Variants in NRXN3 observed in about 807,000 individuals in gnomAD.
NRXN3 encodes the protein neurexin 3.
NRXN3 carries 32 observed loss-of-function variants against 137.6 expected under a neutral mutation model. That is an observed-to-expected ratio of 0.23 (90% CI 0.18 to 0.31). The LOEUF (loss-of-function observed/expected upper bound fraction) is 0.31. Among genes scored for constraint, NRXN3 ranks in the 10% least tolerant of loss-of-function variants. The pLI, the probability that NRXN3 is intolerant of heterozygous loss-of-function variation, is 1.00. For missense variants in NRXN3, 1,574 were observed against 2,062.5 expected, an observed-to-expected ratio of 0.76 and a Z score of 4.59; for synonymous variants, 798 against 784.5, an observed-to-expected ratio of 1.02 and a Z score of -0.29.
intron 15 of NRXN3, among the ~76,000 whole-genome samples, chr14:79,349,885 C>T (rs1397380567): frequency 6.6e-6 from 1 of 152,100 alleles, no homozygotes; most frequent in Non-Finnish European, 1.5e-5. Context: ...AGGCCTAGAG[C>T]AGCTCTTAGA....
chr14:78,750,156 CCAGCCTCA>C (rs1440099351), intron 8 of NRXN3, among the ~76,000 whole-genome samples: 2 of 152,200 alleles, frequency 1.3e-5, no homozygotes, highest in African/African-American at 2.4e-5. Context: ...AAAGTGTGAT[CCAGCCTCA>C]CACACTGCCT....
chr14:79,754,008 A>G (rs1237471138), intron 19 of NRXN3, among the ~76,000 whole-genome samples: 1 of 151,982 alleles, frequency 6.6e-6, no homozygotes, highest in Non-Finnish European at 1.5e-5. Flanking sequence ...TTTAAAGTAC[A>G]TGGGAGAGTA....
intron 4 of NRXN3, among the ~76,000 whole-genome samples, chr14:78,554,731 A>C (rs1297341156): frequency 6.6e-6 from 1 of 152,210 alleles, no homozygotes; most frequent in African/African-American, 2.4e-5. Flanking sequence ...GGAACTTAAA[A>C]GAGTAAACGT....
intron 15 of NRXN3, among the ~76,000 whole-genome samples, chr14:79,112,956 GTTACC>G (rs1281792114): frequency 6.6e-6 from 1 of 152,160 alleles, no homozygotes; most frequent in African/African-American, 2.4e-5. Flanking sequence ...AATGGACATT[GTTACC>G]TAAAATTCAC....
At chr14:78,699,709 T>A (rs1594874854) in intron 6 of NRXN3, among the ~76,000 whole-genome samples, 1 of 152,214 alleles carries the variant, frequency 6.6e-6, no homozygotes, top group Non-Finnish European at 1.5e-5. Flanking sequence ...ATTCACCTCA[T>A]CTTAATTCCT....
At chr14:79,263,824 C>CA (rs112883316) in intron 15 of NRXN3, among the ~76,000 whole-genome samples, 5,563 of 152,120 alleles carry the variant, frequency 0.037, 255 homozygotes, top group African/African-American at 0.1. Flanking sequence ...TACACAACTC[C>CA]GGGGGCACAA....
chr14:79,844,516 G>C (rs542416438), intron 20 of NRXN3, among the ~76,000 whole-genome samples: 8 of 151,882 alleles, frequency 5.3e-5, no homozygotes, highest in Non-Finnish European at 1.0e-4. Context: ...GTGTTAGCAG[G>C]CACGAAAACA....
At chr14:79,487,393 C>A (rs1488973228) in intron 16 of NRXN3, among the ~76,000 whole-genome samples, 1 of 152,082 alleles carries the variant, frequency 6.6e-6, no homozygotes, top group Non-Finnish European at 1.5e-5. Context: ...ACCCGCTTTA[C>A]AAAAACAGAC....
At chr14:79,162,895 GCTC>G (rs2060929494) in intron 15 of NRXN3, among the ~76,000 whole-genome samples, 1 of 151,338 alleles carries the variant, frequency 6.6e-6, no homozygotes, top group Admixed American at 6.6e-5. Context: ...ATTTCTCTTT[GCTC>G]CTCCTCTTTT....
chr14:79,623,849 G>GGT (rs1555570746), intron 16 of NRXN3, among the ~76,000 whole-genome samples: 4 of 98,024 alleles, frequency 4.1e-5, no homozygotes, highest in Non-Finnish European at 6.2e-5. Context: ...CTTAGCTCCT[G>GGT]TTTTTTTTTT....
intron 15 of NRXN3, among the ~76,000 whole-genome samples, chr14:79,350,815 C>A (rs2093169590): frequency 6.6e-6 from 1 of 152,132 alleles, no homozygotes; most frequent in African/African-American, 2.4e-5. Context: ...TTTATGCAGT[C>A]CTACTGCAAC....
intron 19 of NRXN3, among the ~76,000 whole-genome samples, chr14:79,782,611 T>C (rs1359338386): frequency 4.6e-5 from 7 of 152,186 alleles, no homozygotes; most frequent in Non-Finnish European, 2.9e-5. Flanking sequence ...ACAAATTTGG[T>C]ATATGATTTT....
intron 6 of NRXN3, among the ~76,000 whole-genome samples, chr14:78,693,020 T>C (rs1602526621): frequency 6.6e-6 from 1 of 151,596 alleles, no homozygotes; most frequent in Admixed American, 6.6e-5. Context: ...GAGGTGGGGG[T>C]TGCAGTGAGC....
At chr14:78,769,411 G>C (rs1299924599) in intron 8 of NRXN3, among the ~76,000 whole-genome samples, 1 of 152,152 alleles carries the variant, frequency 6.6e-6, no homozygotes, top group Non-Finnish European at 1.5e-5. Context: ...TATAGGTACT[G>C]GGGGCTAGGA....
At chr14:78,798,505 A>G (rs966957408) in intron 8 of NRXN3, among the ~76,000 whole-genome samples, 1 of 152,148 alleles carries the variant, frequency 6.6e-6, no homozygotes, top group African/African-American at 2.4e-5. Flanking sequence ...TTGAGTTTGT[A>G]TGGCTTTTCT....
intron 4 of NRXN3, among the ~76,000 whole-genome samples, chr14:78,341,669 C>T (rs76327111): frequency 0.035 from 5,281 of 152,232 alleles, 255 homozygotes; most frequent in African/African-American, 0.12. Flanking sequence ...GAAGGGAAGG[C>T]TTGTACTAGA....
chr14:78,644,587 A>AG (rs1006317656), intron 4 of NRXN3, among the ~76,000 whole-genome samples: 2 of 152,152 alleles, frequency 1.3e-5, no homozygotes, highest in African/African-American at 4.8e-5. Flanking sequence ...GCCATGTTCC[A>AG]GGGGGCTTAG....
In NRXN3 at chr14:78,243,833, C is replaced by G; in HGVS notation, c.709+31C>G. The G allele has an allele frequency of 6.7e-7, 1 of 1,502,218 alleles. No individual in the cohort carries two copies. Among genetic ancestry groups the G allele is most frequent in the Non-Finnish European group, 8.9e-7 (1 of 1,121,552 alleles). 93.1% of individuals were successfully genotyped at this position (1,502,218 alleles called of 1,614,324 possible). ...ACCCTCTCCCTCTCTTGCTAGAGAC[C>G]CACCCACGGGATGGCTGAGGCTGGG... On this transcript the variant is annotated intron_variant, in intron 2 of 20. Coordinates refer to ENST00000335750, the MANE Select transcript of NRXN3 (RefSeq NM_001330195.2). The surrounding 1 kb of genome is among the most constrained non-coding windows in gnomAD (Gnocchi z 4.2).
At chr14:79,118,924 A>G (rs1198460670) in intron 15 of NRXN3, among the ~76,000 whole-genome samples, 1 of 152,144 alleles carries the variant, frequency 6.6e-6, no homozygotes, top group Non-Finnish European at 1.5e-5. Context: ...AAATTGAGAC[A>G]ATTTATTAGC....
Sources: gnomAD v4.1 joint callset for allele counts (sites outside exome capture counted in the v4.1 genomes callset) on GRCh38, gnomAD v4.1.1 for gene constraint, Gnocchi (gnomAD v3.1) non-coding constraint, MANE v1.5 for transcripts, NCBI Gene and HGNC (gene_info 2026-07-23, HGNC 2026-07-21) for gene names.